YLPM1: variants seen among roughly 807,000 people sequenced by gnomAD.
YLPM1 encodes the protein YLP motif-containing protein 1.
In YLPM1, 99 loss-of-function variants were observed where a neutral mutation model predicts 230.0. The observed-to-expected ratio is 0.43, with a 90% CI of 0.37 to 0.51. The LOEUF is 0.51. Among genes scored for constraint, YLPM1 ranks in the 20% least tolerant of loss-of-function variants. The pLI, the probability that YLPM1 is intolerant of heterozygous loss-of-function variation, is 0.00. For synonymous variants in YLPM1, 984 were observed against 942.5 expected, an observed-to-expected ratio of 1.04 and a Z score of -0.81; for missense variants, 2,592 against 2,707.7, an observed-to-expected ratio of 0.96 and a Z score of 0.95.
intron 17 of YLPM1, chr14:74,821,370 T>G (rs2091519199): frequency 4.6e-6 from 2 of 432,780 alleles, no homozygotes; most frequent in Admixed American, 4.6e-5. Context: ...AAACTTACCC[T>G]TGTACTCATC....
At chr14:74,771,452 G>GCAAAA (rs2090975177) in intron 1 of YLPM1, among the ~76,000 whole-genome samples, 1 of 152,148 alleles carries the variant, frequency 6.6e-6, no homozygotes, top group Non-Finnish European at 1.5e-5. Flanking sequence ...TTAGGTTGGT[G>GCAAAA]CAAAAGTAAT....
rs1271803057 is a variant in YLPM1, at chr14:74,798,706, C to T, written c.3409C>T (p.Arg1137Ter). 1.2e-6 allele frequency: 2 copies of T among 1,611,414 alleles called. No homozygotes were observed. The highest frequency in any genetic ancestry group is 1.7e-6 in the Non-Finnish European group (2 of 1,178,580). The change falls in exon 5 of 21, where the codon CGA (arginine) becomes TGA (stop). Residue 1137 changes from arginine (R) to a stop codon, truncating the protein, a stop_gained. Coordinates refer to ENST00000325680, the MANE Select transcript of YLPM1 (RefSeq NM_019589.3). LOFTEE classifies it high-confidence loss of function. ...RAGSRERIPP[R>*]RAGSRERGPP... is the part of the protein sequence containing the mutation. ...TGGGAGTAGAGAGAGAATACCACCC[C>T]GAAGAGCTGGGAGCAGGGAGAGAGG...
chr14:74,803,917 G>A lies in YLPM1; in HGVS notation c.4521+1241G>A, dbSNP rs183460933. On this transcript the variant is annotated intron_variant, in intron 6 of 20. Coordinates refer to ENST00000325680, the MANE Select transcript of YLPM1 (RefSeq NM_019589.3). ...TCACACCTGTAATCCCAGCACTTTG[G>A]GAGGCCAAGGCGGGTGGATCACTTG... Among the ~76,000 whole-genome samples, 42 of 152,248 alleles carry A rather than the reference G, an allele frequency of 2.8e-4. 1 individual carries two copies. In the East Asian group the frequency reaches 5.2e-3, roughly 19 times the overall value.
chr14:74,830,008 A>C (rs1399333561), intron 19 of YLPM1, among the ~76,000 whole-genome samples: 2 of 152,312 alleles, frequency 1.3e-5, no homozygotes, highest in African/African-American at 4.8e-5. Flanking sequence ...AAAAAGTATA[A>C]ATGGAAAAGG....
rs1214779454 is a variant in YLPM1 at position 74,829,348 on chromosome 14, G to C, written c.6294+5G>C. 1 of 1,612,526 alleles carries C rather than the reference G, an allele frequency of 6.2e-7. No individual in the cohort carries two copies. The highest frequency in any genetic ancestry group is 8.5e-7 in the Non-Finnish European group (1 of 1,178,976). ...TCTGAGCCTGGGAAGAAGAGGGTAA[G>C]AGACTTTGTCAATAACTGCCAACAA... On this transcript the variant is annotated splice_donor_5th_base_variant and intron_variant, in intron 19 of 20. Transcript: ENST00000325680.
intron 4 of YLPM1, among the ~76,000 whole-genome samples, chr14:74,783,387 A>G (rs1184159408): frequency 6.6e-6 from 1 of 152,226 alleles, no homozygotes; most frequent in African/African-American, 2.4e-5. Flanking sequence ...ACGCTCAGCC[A>G]GAAAAATACT....
At position 74,764,279 on chromosome 14, in the gene YLPM1, C is replaced by A; in HGVS notation, c.790C>A (p.Pro264Thr). 1.9e-6 allele frequency: 3 copies of A among 1,613,902 alleles called. No individual in the cohort carries two copies. The highest frequency in any genetic ancestry group is 2.5e-6 in the Non-Finnish European group (3 of 1,179,872). Residue 264 changes from proline (P) to threonine (T), a missense_variant, in exon 1 of 21, where the codon CCT becomes ACT. Pro to Thr is a conservative substitution (Grantham distance 38). Transcript: ENST00000325680. ...AAATAAGACAACTGTCCAGCAAGAG[C>A]CTTTGGAGAGTGGGGCCAAAAACAA... ...PGNKTTVQQE[P>T]LESGAKNKST...
chr14:74,829,400 T>C, intron 19 of YLPM1, 57 bp downstream of exon 19: 1 of 1,604,746 alleles, frequency 6.2e-7, no homozygotes, highest in Non-Finnish European at 8.5e-7. Flanking sequence ...GGCATCTGGT[T>C]TTAGGAAGTT....
Position 74,799,677 on chromosome 14 carries a change from A to G in YLPM1, c.4380A>G (p.Ala1460=), listed in dbSNP as rs756035935. 2.5e-6 allele frequency: 4 copies of G among 1,608,284 alleles called. No individual in the cohort carries two copies. The highest frequency in any genetic ancestry group is 1.7e-5 in the Admixed American group (1 of 59,692). The stretch of plus-strand genomic sequence containing the variant: ...AGCATGAAATCATTTTGAAAGCTGC[A>G]CAAGAACTGAAAATGCTTCGGTAAG... ...QRQHEIILKA[A]QELKMLREQK... is the part of the protein sequence containing the mutation. The change falls in exon 5 of 21, where the codon GCA becomes GCG. Residue 1460 remains alanine (A), a synonymous_variant. Coordinates refer to ENST00000325680, the MANE Select transcript of YLPM1 (RefSeq NM_019589.3).
intron 3 of YLPM1, 93 bp from the exon 4 acceptor site, chr14:74,781,241 A>C (rs548802873): frequency 2.9e-6 from 4 of 1,361,434 alleles, no homozygotes; most frequent in Non-Finnish European, 3.9e-6. Context: ...AATTTCCTAA[A>C]GCGTCAAATG....
At chr14:74,787,413 A>G (rs1439766849) in intron 4 of YLPM1, among the ~76,000 whole-genome samples, 2 of 152,016 alleles carry the variant, frequency 1.3e-5, no homozygotes, top group East Asian at 3.9e-4. Flanking sequence ...AAATACAAAA[A>G]TTAGCTAGGC....
At chr14:74,816,836 C>A in intron 13 of YLPM1, 95 bp from the exon 14 acceptor site, 1 of 1,446,224 alleles carries the variant, frequency 6.9e-7, no homozygotes, top group Non-Finnish European at 9.2e-7. Flanking sequence ...GAAGGAAAGA[C>A]TACAAAGTCA....
intron 15 of YLPM1, 58 bp from the exon 16 acceptor site, chr14:74,818,173 C>T: frequency 9.2e-7 from 1 of 1,091,146 alleles, no homozygotes; most frequent in Non-Finnish European, 1.3e-6. Context: ...ATCTTGGATG[C>T]TTACTTGGTC....
intron 4 of YLPM1, among the ~76,000 whole-genome samples, chr14:74,795,245 G>A (rs192118933): frequency 6.6e-6 from 1 of 152,312 alleles, no homozygotes; most frequent in African/African-American, 2.4e-5. Context: ...GAACTTCAGA[G>A]TAAAGTTGGG....
At chr14:74,772,870 G>A (rs2090992816) in intron 1 of YLPM1, among the ~76,000 whole-genome samples, 1 of 152,296 alleles carries the variant, frequency 6.6e-6, no homozygotes, top group Middle Eastern at 3.4e-3. Flanking sequence ...CTTAGGGTCA[G>A]TAAGGACATT....
Position 74,763,747 on chromosome 14 carries a change from G to A in YLPM1, c.258G>A (p.Leu86=). The change falls in exon 1 of 21, where the codon CTG becomes CTA. Residue 86 remains leucine (L), a synonymous_variant. Coordinates refer to ENST00000325680, the MANE Select transcript of YLPM1 (RefSeq NM_019589.3). ...CCCACCACCTTCCTCCGCCCCCTCT[G>A]CCGCCCCCGCCAGTGATGCCGGGGG... ...LQPHHLPPPP[L]PPPPVMPGGG... is the part of the protein sequence containing the mutation. The A allele has an allele frequency of 6.6e-7, 1 of 1,508,358 alleles. No homozygotes were observed. The highest frequency in any genetic ancestry group is 1.8e-4 in the Middle Eastern group (1 of 5,580). 93.4% of individuals were successfully genotyped at this position (1,508,358 alleles called of 1,614,324 possible).
intron 1 of YLPM1, among the ~76,000 whole-genome samples, chr14:74,768,058 C>T (rs1251003227): frequency 1.3e-5 from 2 of 152,112 alleles, no homozygotes; most frequent in African/African-American, 4.8e-5. Flanking sequence ...ACAGAGGTTG[C>T]AACCTGGTGA....
chr14:74,801,968 G>A (rs1380203168), intron 5 of YLPM1, among the ~76,000 whole-genome samples: 2 of 152,114 alleles, frequency 1.3e-5, no homozygotes, highest in Non-Finnish European at 2.9e-5. Context: ...TGTAATCCTA[G>A]CACTTTGGGA....
intron 1 of YLPM1, among the ~76,000 whole-genome samples, chr14:74,769,432 G>A (rs1286847580): frequency 4.6e-5 from 7 of 151,656 alleles, no homozygotes; most frequent in Admixed American, 2.0e-4. Context: ...GATTACAGGC[G>A]CCTGCCACCA....
Sources: allele counts gnomAD v4.1 joint callset (sites outside exome capture counted in the v4.1 genomes callset), GRCh38; gene constraint gnomAD v4.1.1; transcripts MANE v1.5; gene names NCBI Gene and HGNC (gene_info 2026-07-23, HGNC 2026-07-21).